The following SYT1 variants were observed in gnomAD, a reference collection of about 807,000 sequenced individuals.
The protein encoded by SYT1 is synaptotagmin-1.
Under a neutral mutation model 44.8 loss-of-function variants are expected in SYT1, and 8 were observed. The observed-to-expected ratio is 0.18, with a 90% CI of 0.10 to 0.32. The LOEUF is 0.32. Ranked by LOEUF, SYT1 falls within the 10% of genes least tolerant of loss-of-function variation. The pLI is 1.00. For missense variants in SYT1, 286 were observed against 509.3 expected (o/e 0.56, Z 4.22); for synonymous variants, 154 against 188.8 (o/e 0.82, Z 1.51).
chr12:79,375,270 C>T (rs1390221083), intron 9 of SYT1, among the ~76,000 whole-genome samples: 7 of 152,058 alleles, frequency 4.6e-5, no homozygotes, highest in Admixed American at 3.9e-4. Flanking sequence ...CTGGAGATTT[C>T]GTGGGCGCTT....
intron 3 of SYT1, among the ~76,000 whole-genome samples, chr12:79,169,095 G>A (rs1274831754): frequency 6.6e-6 from 1 of 152,020 alleles, no homozygotes; most frequent in Non-Finnish European, 1.5e-5. Context: ...ACAGCAGGAA[G>A]TCTGTGATTT....
rs144097297 is a variant in SYT1, at chr12:79,240,867, G to T, written c.166+23182G>T. Among the ~76,000 whole-genome samples, 149 of 152,204 alleles carry T rather than the reference G, an allele frequency of 9.8e-4. No homozygotes were observed. In the East Asian group the frequency reaches 0.024, roughly 25 times the overall value. On this transcript the variant is annotated intron_variant, in intron 4 of 10. Coordinates refer to ENST00000261205, the MANE Select transcript of SYT1 (RefSeq NM_005639.3). ...ATATGCATCTAAAAAATGTAGAGGA[G>T]AATATTTTATTTAAAAAAGAAAGGG...
At chr12:79,065,623 A>G (rs1178772242) in intron 3 of SYT1, among the ~76,000 whole-genome samples, 4 of 152,222 alleles carry the variant, frequency 2.6e-5, no homozygotes, top group Admixed American at 2.6e-4. Context: ...TGAGGAAAAA[A>G]AAAGTCAAGG....
rs778500700 is a variant in SYT1 at position 79,444,065 on chromosome 12, TC to T, written c.929-7del. 1.2e-5 allele frequency: 20 copies of T among 1,612,410 alleles called. No homozygotes were observed. The highest frequency in any genetic ancestry group is 1.7e-5 in the Non-Finnish European group (20 of 1,179,304). ...TCTCCTAAAGTTTGTTTCCTGTTTT[TC>T]ATTCAGATCCTTATGTGAAGATTCA... is the stretch of plus-strand genomic sequence containing the variant. On this transcript the variant is annotated splice_region_variant and splice_polypyrimidine_tract_variant and intron_variant, in intron 9 of 10. Transcript: ENST00000261205.
At chr12:79,254,452 C>G (rs191512822) in intron 4 of SYT1, among the ~76,000 whole-genome samples, 1 of 152,198 alleles carries the variant, frequency 6.6e-6, no homozygotes, top group African/African-American at 2.4e-5. Flanking sequence ...ACAATACACA[C>G]AGTCACCCAA....
Position 78,922,918 on chromosome 12 carries a change from A to G in SYT1, c.-216-54881A>G, listed in dbSNP as rs80336276. Among the ~76,000 whole-genome samples the G allele has an allele frequency of 9.1e-4, 138 of 152,052 alleles. 1 individual carries two copies. The highest frequency in any genetic ancestry group is 3.2e-3 in the African/African-American group (131 of 41,548). ...ATGTGGTTACTTGCCCAGCAACTCA[A>G]AACTAGTAAGTTGTATAGTCAGGAC... is the stretch of plus-strand genomic sequence containing the variant. On this transcript the variant is annotated intron_variant, in intron 1 of 10. Transcript: ENST00000261205.
At chr12:78,939,973 A>G (rs1878264199) in intron 1 of SYT1, among the ~76,000 whole-genome samples, 1 of 152,172 alleles carries the variant, frequency 6.6e-6, no homozygotes, top group South Asian at 2.1e-4. Context: ...ACCAATCTCA[A>G]TTCTTATTGG....
At chr12:79,026,093 A>T (rs888738162) in intron 2 of SYT1, among the ~76,000 whole-genome samples, 1 of 151,648 alleles carries the variant, frequency 6.6e-6, no homozygotes, top group Non-Finnish European at 1.5e-5. Context: ...CATTTATTTG[A>T]ATTTTATATA....
rs186330742 is a variant in SYT1 at position 79,314,220 on chromosome 12, T to G, written c.810+14669T>G. Among the ~76,000 whole-genome samples the G allele has an allele frequency of 4.6e-3, 699 of 151,624 alleles. 14 individuals carry two copies. Among genetic ancestry groups the G allele is most frequent in the Non-Finnish European group, 1.8e-3 (124 of 67,890 alleles). ...TAGCGGTTTTTGTTATTAAAAACAT[T>G]GGTCAGAGCCCTTATTTCCTTGCCA... is the stretch of plus-strand genomic sequence containing the variant. On this transcript the variant is annotated intron_variant, in intron 8 of 10. Coordinates refer to ENST00000261205, the MANE Select transcript of SYT1 (RefSeq NM_005639.3).
At chr12:79,060,913 T>C (rs1875334074) in intron 3 of SYT1, among the ~76,000 whole-genome samples, 1 of 152,088 alleles carries the variant, frequency 6.6e-6, no homozygotes, top group East Asian at 1.9e-4. Flanking sequence ...GGGCTTAAGA[T>C]AATTTAGGAT....
At chr12:79,421,776 C>T (rs573223147) in intron 9 of SYT1, among the ~76,000 whole-genome samples, 2 of 151,400 alleles carry the variant, frequency 1.3e-5, no homozygotes, top group Non-Finnish European at 2.9e-5. Context: ...CTCAAATTCC[C>T]AAGGAATGTC....
intron 5 of SYT1, among the ~76,000 whole-genome samples, chr12:79,289,367 A>T (rs1405752104): frequency 1.3e-5 from 2 of 152,206 alleles, no homozygotes; most frequent in Non-Finnish European, 1.5e-5. Context: ...ATAGCTACTG[A>T]TTTAATAGGT....
intron 4 of SYT1, among the ~76,000 whole-genome samples, chr12:79,237,219 T>C (rs1200147472): frequency 3.3e-5 from 5 of 152,166 alleles, no homozygotes; most frequent in Non-Finnish European, 7.3e-5. Context: ...TGAAATATAA[T>C]TTCAGAGAAG....
Position 78,928,306 on chromosome 12 carries a change from A to C in SYT1, c.-216-49493A>C, listed in dbSNP as rs1877417074. 2.0e-5 allele frequency among the ~76,000 whole-genome samples: 3 copies of C among 152,256 alleles called. No homozygotes were observed. The South Asian group carries it at 6.2e-4, about 32-fold the overall frequency. ...CTGTTCATCTTCCACCTACAAATTT[A>C]ATACTTATTCCACCTTAACTAAGCC... On this transcript the variant is annotated intron_variant, in intron 1 of 10. Transcript: ENST00000261205.
chr12:79,197,691 A>G (rs1873545134), intron 3 of SYT1, among the ~76,000 whole-genome samples: 1 of 152,204 alleles, frequency 6.6e-6, no homozygotes, highest in Admixed American at 6.5e-5. Flanking sequence ...CCCAGAAAGT[A>G]AATCCTGATC....
intron 2 of SYT1, chr12:79,046,522 C>T (rs898595536): frequency 1.3e-5 from 2 of 152,000 alleles, no homozygotes; most frequent in African/African-American, 4.8e-5. Flanking sequence ...TCAGAAATTC[C>T]TGATATCTTT....
intron 2 of SYT1, among the ~76,000 whole-genome samples, chr12:78,986,348 C>A (rs1869640093): frequency 6.6e-6 from 1 of 151,692 alleles, no homozygotes; most frequent in South Asian, 2.1e-4. Context: ...TTAAAAATAT[C>A]TATTGTGTTT....
intron 3 of SYT1, among the ~76,000 whole-genome samples, chr12:79,170,162 C>T (rs911941712): frequency 4.6e-5 from 7 of 151,996 alleles, no homozygotes. Flanking sequence ...TGAACATACA[C>T]ATGCATGAGT....
intron 4 of SYT1, among the ~76,000 whole-genome samples, chr12:79,244,760 C>T (rs772156513): frequency 1.3e-3 from 202 of 151,726 alleles, no homozygotes; most frequent in Non-Finnish European, 1.2e-3. Context: ...TATTAACCTT[C>T]CCCGCTAAGT....
Sources: gnomAD v4.1 joint callset for allele counts (sites outside exome capture counted in the v4.1 genomes callset) on GRCh38, gnomAD v4.1.1 for gene constraint, MANE v1.5 for transcripts, NCBI Gene and HGNC (gene_info 2026-07-23, HGNC 2026-07-21) for gene names.